The following OXR1 variants were observed in gnomAD, a reference collection of about 807,000 sequenced individuals.
The protein encoded by OXR1 is oxidation resistance protein 1.
OXR1 carries 41 observed loss-of-function variants against 104.6 expected under a neutral mutation model. The observed-to-expected ratio is 0.39, with a 90% CI of 0.31 to 0.51. OXR1 has a LOEUF of 0.51. Ranked by LOEUF, OXR1 falls within the 20% of genes least tolerant of loss-of-function variation. The pLI, the probability that OXR1 is intolerant of heterozygous loss-of-function variation, is 0.77. For synonymous variants in OXR1, 348 were observed against 348.4 expected, an observed-to-expected ratio of 1.00 and a Z score of 0.01; for missense variants, 955 against 1,031.9, an observed-to-expected ratio of 0.93 and a Z score of 1.02.
At chr8:106,498,825 A>G (rs1811584247) in intron 2 of OXR1, among the ~76,000 whole-genome samples, 1 of 152,254 alleles carries the variant, frequency 6.6e-6, no homozygotes, top group African/African-American at 2.4e-5. Flanking sequence ...ATCGTCTTAT[A>G]TAACAAGGAA....
At chr8:106,478,987 AC>A (rs1345452435) in intron 2 of OXR1, among the ~76,000 whole-genome samples, 1 of 151,896 alleles carries the variant, frequency 6.6e-6, no homozygotes, top group Non-Finnish European at 1.5e-5. Flanking sequence ...CCAGTCCCAT[AC>A]TTTTGATAAT....
At chr8:106,380,539 C>G (rs1163574170) in intron 2 of OXR1, among the ~76,000 whole-genome samples, 3 of 152,192 alleles carry the variant, frequency 2.0e-5, no homozygotes, top group Admixed American at 6.5e-5. Context: ...TTTTGAGGAA[C>G]TTCCAATCTA....
intron 2 of OXR1, among the ~76,000 whole-genome samples, chr8:106,428,405 A>G (rs1188094190): frequency 6.6e-6 from 1 of 152,150 alleles, no homozygotes; most frequent in African/African-American, 2.4e-5. Context: ...GACTTGTTAC[A>G]TGGCCATCCC....
intron 2 of OXR1, among the ~76,000 whole-genome samples, chr8:106,478,317 G>A (rs957807519): frequency 6.6e-6 from 1 of 151,658 alleles, no homozygotes; most frequent in Non-Finnish European, 1.5e-5. Flanking sequence ...AAACTGATAA[G>A]CCTTCTAGCC....
In OXR1 at chr8:106,286,161, A is replaced by T. The variant is rs147131715; in HGVS notation, c.-139+15794A>T. 9.5e-4 allele frequency among the ~76,000 whole-genome samples: 144 copies of T among 152,288 alleles called. 2 individuals are homozygous for T. In the East Asian group the frequency reaches 0.021, roughly 22 times the overall value. On this transcript the variant is annotated intron_variant, in intron 1 of 16. Coordinates refer to ENST00000517566, the MANE Select transcript of OXR1 (RefSeq NM_001198533.2). Reference sequence around the variant, plus strand: ...TCTTTCTCATGGAGCTTACAAAGCTATTAGGATTCTTGCCTAGTGCAGCTG... The same window carrying T: ...TCTTTCTCATGGAGCTTACAAAGCTTTTAGGATTCTTGCCTAGTGCAGCTG...
intron 1 of OXR1, among the ~76,000 whole-genome samples, chr8:106,339,411 T>A (rs1436901036): frequency 7.0e-6 from 1 of 142,334 alleles, no homozygotes; most frequent in Non-Finnish European, 1.5e-5. Flanking sequence ...AGGAGAATGG[T>A]GTGAACCTGG....
At chr8:106,651,560 T>C (rs1824574885) in intron 3 of OXR1, among the ~76,000 whole-genome samples, 1 of 152,184 alleles carries the variant, frequency 6.6e-6, no homozygotes, top group Non-Finnish European at 1.5e-5. Context: ...TGAAAATCAG[T>C]CTGTTTTCCC....
intron 1 of OXR1, among the ~76,000 whole-genome samples, chr8:106,286,542 G>A (rs976973294): frequency 2.0e-5 from 3 of 152,054 alleles, no homozygotes; most frequent in South Asian, 4.1e-4. Context: ...GACCAAAGAA[G>A]GTGGTAACTT....
At chr8:106,282,523 A>G (rs917281014) in intron 1 of OXR1, among the ~76,000 whole-genome samples, 1 of 152,196 alleles carries the variant, frequency 6.6e-6, no homozygotes, top group Non-Finnish European at 1.5e-5. Flanking sequence ...ATAGCCTACT[A>G]TTGACCAGAA....
intron 3 of OXR1, among the ~76,000 whole-genome samples, chr8:106,539,861 T>A (rs1420976723): frequency 6.6e-6 from 1 of 152,200 alleles, no homozygotes; most frequent in East Asian, 1.9e-4. Flanking sequence ...TTCATATCTT[T>A]GACTCATAGA....
At chr8:106,397,452 C>G (rs1406071545) in intron 2 of OXR1, among the ~76,000 whole-genome samples, 1 of 151,970 alleles carries the variant, frequency 6.6e-6, no homozygotes, top group Non-Finnish European at 1.5e-5. Flanking sequence ...TTTTAAAAAG[C>G]TCAGTTAGTG....
At chr8:106,442,662 G>A (rs370670623) in intron 2 of OXR1, among the ~76,000 whole-genome samples, 10 of 152,048 alleles carry the variant, frequency 6.6e-5, no homozygotes, top group East Asian at 1.9e-4. Flanking sequence ...TATGCGTCCA[G>A]GAATTTATCC....
intron 11 of OXR1, among the ~76,000 whole-genome samples, chr8:106,732,887 CACAGA>C (rs1384094319): frequency 1.3e-5 from 2 of 152,058 alleles, no homozygotes; most frequent in African/African-American, 4.8e-5. Context: ...ATGCTGTCCT[CACAGA>C]ATTAGTTAAG....
At chr8:106,518,255 A>G (rs868332620) in intron 2 of OXR1, among the ~76,000 whole-genome samples, 33 of 152,334 alleles carry the variant, frequency 2.2e-4, no homozygotes, top group Middle Eastern at 6.8e-3. Context: ...CCAATAGTAA[A>G]TTGGACTTAG....
intron 2 of OXR1, among the ~76,000 whole-genome samples, chr8:106,403,829 T>C (rs764171368): frequency 2.0e-5 from 3 of 152,224 alleles, no homozygotes; most frequent in Non-Finnish European, 2.9e-5. Context: ...TGGATTTTTG[T>C]CTGTGTACAT....
At chr8:106,712,644 G>A (rs1831819373) in intron 10 of OXR1, among the ~76,000 whole-genome samples, 1 of 151,970 alleles carries the variant, frequency 6.6e-6, no homozygotes, top group South Asian at 2.1e-4. Flanking sequence ...CAGCTTTTAG[G>A]CATAAAATGA....
intron 3 of OXR1, among the ~76,000 whole-genome samples, chr8:106,640,956 T>A (rs182561441): frequency 2.4e-4 from 36 of 152,374 alleles, no homozygotes; most frequent in African/African-American, 6.7e-4. Flanking sequence ...CTTATATGCA[T>A]GTTGCAGAAA....
At chr8:106,477,818 T>C (rs977689587) in intron 2 of OXR1, among the ~76,000 whole-genome samples, 8 of 151,932 alleles carry the variant, frequency 5.3e-5, no homozygotes, top group Admixed American at 5.3e-4. Flanking sequence ...TTATTATTGG[T>C]GATAGTATTG....
Position 106,679,272 on chromosome 8 carries a change from A to G in OXR1, c.283A>G (p.Lys95Glu), listed in dbSNP as rs749659384. 3 of 1,598,952 alleles carry G rather than the reference A, an allele frequency of 1.9e-6. No individual in the cohort carries two copies. Among genetic ancestry groups the G allele is most frequent in the South Asian group, 1.1e-5 (1 of 90,628 alleles). The change falls in exon 4 of 17, where the codon AAA (lysine) becomes GAA (glutamate). Residue 95 changes from lysine to glutamate, a missense_variant. Lys to Glu is a moderately conservative substitution (Grantham distance 56). Coordinates refer to ENST00000517566, the MANE Select transcript of OXR1 (RefSeq NM_001198533.2). ...AAGACGAATGTCTTTTCAGAAACCTAAAGGGACTATTGAGTATACTGTAAG... is the reference window on the plus strand; with the variant it reads ...AAGACGAATGTCTTTTCAGAAACCTGAAGGGACTATTGAGTATACTGTAAG... Reference protein sequence around the residue: ...DGRRMSFQKPKGTIEYTVESR... With the variant: ...DGRRMSFQKPEGTIEYTVESR...
Sources: gnomAD v4.1 joint callset for allele counts (sites outside exome capture counted in the v4.1 genomes callset) on GRCh38, gnomAD v4.1.1 for gene constraint, MANE v1.5 for transcripts, NCBI Gene and HGNC (gene_info 2026-07-23, HGNC 2026-07-21) for gene names.